The following CNTNAP2 variants were observed in gnomAD, a reference collection of about 807,000 sequenced individuals.
CNTNAP2 encodes the protein contactin-associated protein-like 2.
CNTNAP2 carries 98 observed loss-of-function variants against 155.2 expected under a neutral mutation model. The observed-to-expected ratio is 0.63, with a 90% CI of 0.54 to 0.75. The LOEUF is 0.75. Among genes scored for constraint, CNTNAP2 ranks in the 30% least tolerant of loss-of-function variants. CNTNAP2 has a pLI of 0.00. For synonymous variants in CNTNAP2, 651 were observed against 631.2 expected (o/e 1.03, Z -0.47); for missense variants, 1,727 against 1,688.1 (o/e 1.02, Z -0.40).
chr7:148,398,263 T>C (rs914443821), intron 22 of CNTNAP2, among the ~76,000 whole-genome samples: 3 of 152,146 alleles, frequency 2.0e-5, no homozygotes, highest in Non-Finnish European at 4.4e-5. Context: ...TTCTGAAAAC[T>C]TAAGAATAAA....
chr7:148,367,860 G>T (rs1306270157), intron 21 of CNTNAP2, among the ~76,000 whole-genome samples: 1 of 151,920 alleles, frequency 6.6e-6, no homozygotes, highest in Non-Finnish European at 1.5e-5. Flanking sequence ...ACTGTAATTT[G>T]CACCTCCTGA....
intron 1 of CNTNAP2, among the ~76,000 whole-genome samples, chr7:146,368,390 G>A (rs1795184594): frequency 6.6e-6 from 1 of 152,140 alleles, no homozygotes; most frequent in Non-Finnish European, 1.5e-5. Flanking sequence ...ATTAGCAGAT[G>A]AGATAAACAT....
At chr7:148,399,019 T>TAATA (rs1240827231) in intron 22 of CNTNAP2, among the ~76,000 whole-genome samples, 6 of 152,374 alleles carry the variant, frequency 3.9e-5, no homozygotes, top group African/African-American at 1.4e-4. Context: ...CAATTCTTGC[T>TAATA]AATACTGCTT....
intron 12 of CNTNAP2, among the ~76,000 whole-genome samples, chr7:147,623,180 TC>T (rs1794899682): frequency 6.6e-6 from 1 of 152,078 alleles, no homozygotes; most frequent in Admixed American, 6.6e-5. Context: ...AAGCCTTTCC[TC>T]GAAGATCTGG....
intron 18 of CNTNAP2, among the ~76,000 whole-genome samples, chr7:148,216,991 C>T (rs1194319173): frequency 1.3e-5 from 2 of 152,204 alleles, no homozygotes; most frequent in African/African-American, 4.8e-5. Flanking sequence ...TGAGGCCTCC[C>T]CAGCCATATG....
At chr7:147,575,107 A>ATATG (rs1554406899) in intron 12 of CNTNAP2, among the ~76,000 whole-genome samples, 2 of 94,146 alleles carry the variant, frequency 2.1e-5, no homozygotes, top group Admixed American at 1.2e-4. Context: ...TTTGTGGGAA[A>ATATG]TGTGTGTGTG....
At chr7:147,827,958 T>G (rs1329091401) in intron 13 of CNTNAP2, among the ~76,000 whole-genome samples, 1 of 152,194 alleles carries the variant, frequency 6.6e-6, no homozygotes. Context: ...ATTCTTCCTA[T>G]TCTTATGATT....
At chr7:146,570,578 A>G (rs141693249) in intron 1 of CNTNAP2, among the ~76,000 whole-genome samples, 352 of 152,320 alleles carry the variant, frequency 2.3e-3, no homozygotes, top group Admixed American at 3.8e-3. Context: ...GATGATTTTC[A>G]TAATAAATGT....
intron 1 of CNTNAP2, among the ~76,000 whole-genome samples, chr7:146,765,137 T>C (rs1036280422): frequency 6.6e-6 from 1 of 152,084 alleles, no homozygotes. Flanking sequence ...AAGAGCTAAC[T>C]GACAGTAGTC....
intron 13 of CNTNAP2, among the ~76,000 whole-genome samples, chr7:147,727,187 T>G (rs1796659322): frequency 6.6e-6 from 1 of 151,950 alleles, no homozygotes; most frequent in African/African-American, 2.4e-5. Flanking sequence ...TAGATTGGTG[T>G]GTAGGTAGGA....
intron 4 of CNTNAP2, among the ~76,000 whole-genome samples, chr7:147,084,375 A>AATAC (rs140014804): frequency 4.5e-5 from 1 of 22,200 alleles, no homozygotes; most frequent in Non-Finnish European, 9.5e-5. Flanking sequence ...ATGTATATAT[A>AATAC]ATATATGCAT....
intron 8 of CNTNAP2, among the ~76,000 whole-genome samples, chr7:147,262,004 A>T (rs1442619279): frequency 6.6e-6 from 1 of 152,226 alleles, no homozygotes; most frequent in Non-Finnish European, 1.5e-5. Context: ...CATTATATTC[A>T]TCTAAAGATT....
At chr7:146,934,198 C>T (rs1796855928) in intron 3 of CNTNAP2, among the ~76,000 whole-genome samples, 1 of 151,818 alleles carries the variant, frequency 6.6e-6, no homozygotes, top group South Asian at 2.1e-4. Context: ...ACCCAAATGT[C>T]CAACAATGAT....
intron 9 of CNTNAP2, among the ~76,000 whole-genome samples, chr7:147,314,358 C>CA (rs1232803740): frequency 1.3e-5 from 2 of 152,004 alleles, no homozygotes; most frequent in Non-Finnish European, 2.9e-5. Context: ...CTTTTCCAAT[C>CA]AAAAAAATCC....
intron 2 of CNTNAP2, among the ~76,000 whole-genome samples, chr7:146,832,013 G>A (rs1562966155): frequency 1.3e-5 from 2 of 152,158 alleles, no homozygotes; most frequent in African/African-American, 4.8e-5. Context: ...TATAACAGAT[G>A]TTGATTAATG....
Position 147,293,553 on chromosome 7 carries a change from A to T in CNTNAP2, c.1349-6588A>T, listed in dbSNP as rs201445937. Among the ~76,000 whole-genome samples the T allele has an allele frequency of 2.0e-5, 3 of 152,280 alleles. No homozygotes were observed. In the East Asian group the frequency reaches 5.8e-4, roughly 29 times the overall value. ...TCATATTCTAGGAAATTTTGCTCTC[A>T]AGATTGAATATTGATCACAAGACTG... On this transcript the variant is annotated intron_variant, in intron 8 of 23. Transcript: ENST00000361727.
At chr7:148,177,761 A>C (rs1239900837) in intron 18 of CNTNAP2, among the ~76,000 whole-genome samples, 1 of 152,146 alleles carries the variant, frequency 6.6e-6, no homozygotes, top group African/African-American at 2.4e-5. Context: ...CTTTCCTTTC[A>C]TTTTGTAGCA....
intron 13 of CNTNAP2, among the ~76,000 whole-genome samples, chr7:147,878,253 G>C (rs1218112976): frequency 1.3e-5 from 2 of 151,864 alleles, no homozygotes; most frequent in Non-Finnish European, 2.9e-5. Flanking sequence ...TGAACACCTA[G>C]TAATTGTTCA....
intron 12 of CNTNAP2, among the ~76,000 whole-genome samples, chr7:147,572,701 AACAC>A (rs55950116): frequency 0.047 from 6,966 of 148,790 alleles, 268 homozygotes; most frequent in African/African-American, 0.099. Context: ...CAGGATGGGA[AACAC>A]ACACACACAC....
Sources: allele counts gnomAD v4.1 joint callset (sites outside exome capture counted in the v4.1 genomes callset), GRCh38; gene constraint gnomAD v4.1.1; transcripts MANE v1.5; gene names NCBI Gene and HGNC (gene_info 2026-07-23, HGNC 2026-07-21).